The following ATP2C2 variants were observed in gnomAD, a reference collection of about 807,000 sequenced individuals.
The protein encoded by ATP2C2 is calcium-transporting ATPase type 2C member 2.
ATP2C2 carries 171 observed loss-of-function variants against 110.8 expected under a neutral mutation model. The ratio of observed to expected loss-of-function variants is 1.54; its 90% confidence interval spans 1.36 to 1.75. The LOEUF (loss-of-function observed/expected upper bound fraction) is 1.75. Among genes scored for constraint, ATP2C2 ranks in the 40% most tolerant of loss-of-function variants. The pLI is 0.00. For missense variants in ATP2C2, 1,963 were observed against 1,235.0 expected, an observed-to-expected ratio of 1.59 and a Z score of -8.84; for synonymous variants, 804 against 508.4, an observed-to-expected ratio of 1.58 and a Z score of -7.82.
chr16:84,458,803 G>C (rs1044692473), intron 21 of ATP2C2, among the ~76,000 whole-genome samples: 6 of 152,198 alleles, frequency 3.9e-5, no homozygotes, highest in Non-Finnish European at 8.8e-5. Flanking sequence ...GGCGCACTTC[G>C]GGAGTCTGGG....
At chr16:84,398,232 T>C (rs567972030) in intron 1 of ATP2C2, among the ~76,000 whole-genome samples, 1 of 152,052 alleles carries the variant, frequency 6.6e-6, no homozygotes, top group Non-Finnish European at 1.5e-5. Context: ...TGAAACCTCG[T>C]CTCTACTAAA....
intron 11 of ATP2C2, among the ~76,000 whole-genome samples, chr16:84,427,843 A>G (rs1380997383): frequency 6.6e-6 from 1 of 152,168 alleles, no homozygotes; most frequent in Non-Finnish European, 1.5e-5. Flanking sequence ...TCGGGGGTGA[A>G]GAAAATGTTC....
chr16:84,433,327 G>C (rs944547008), intron 11 of ATP2C2, among the ~76,000 whole-genome samples: 1 of 152,062 alleles, frequency 6.6e-6, no homozygotes, highest in East Asian at 1.9e-4. Flanking sequence ...AGGTTTCAGT[G>C]AGCCATGATC....
chr16:84,462,505 A>C, intron 26 of ATP2C2: 1 of 188,996 alleles, frequency 5.3e-6, no homozygotes, highest in African/African-American at 2.3e-5. Flanking sequence ...GGGGCCAGTA[A>C]TGTGACTTAG....
intron 11 of ATP2C2, among the ~76,000 whole-genome samples, chr16:84,427,093 C>T (rs1907873619): frequency 6.6e-6 from 1 of 152,192 alleles, no homozygotes; most frequent in South Asian, 2.1e-4. Context: ...CATGTCTAGG[C>T]TCATGTCAGG....
chr16:84,402,090 A>T (rs978671415), intron 2 of ATP2C2, among the ~76,000 whole-genome samples: 1 of 151,558 alleles, frequency 6.6e-6, no homozygotes, highest in Non-Finnish European at 1.5e-5. Flanking sequence ...GCTGTGGTAA[A>T]TGGGATTACT....
At chr16:84,453,624 G>A (rs948770020) in intron 20 of ATP2C2, among the ~76,000 whole-genome samples, 1 of 152,126 alleles carries the variant, frequency 6.6e-6, no homozygotes, top group African/African-American at 2.4e-5. Context: ...TGCGCTGACA[G>A]CCCCTTGGCC....
chr16:84,398,610 G>T lies in ATP2C2; in HGVS notation c.210+1G>T, dbSNP rs759377849. The T allele has an allele frequency of 6.2e-7, 1 of 1,603,168 alleles. No homozygotes were observed. Among genetic ancestry groups the T allele is most frequent in the South Asian group, 1.1e-5 (1 of 89,872 alleles). ...AGAGGATTTGGCCAGAGCGTTTTGT[G>T]TAAGAATTGAATTTGCATCTGGAGC... On this transcript the variant is annotated splice_donor_variant, in intron 2 of 26. Transcript: ENST00000262429. LOFTEE classifies it high-confidence loss of function.
At position 84,451,909 on chromosome 16, in the gene ATP2C2, C is replaced by G. The variant is rs200869801; in HGVS notation, c.1661-12C>G. 11 of 1,609,502 alleles carry G rather than the reference C, an allele frequency of 6.8e-6. No individual in the cohort carries two copies. Among genetic ancestry groups the G allele is most frequent in the East Asian group, 2.2e-5 (1 of 44,860 alleles). On this transcript the variant is annotated splice_polypyrimidine_tract_variant and intron_variant, in intron 17 of 26. Coordinates refer to ENST00000262429, the MANE Select transcript of ATP2C2 (RefSeq NM_014861.4). Reference sequence around the variant, plus strand: ...CCCCGGTGACCCCTCCTTACTCCCCCTCTCTCCTCAGTGCTGGCCCTGGCT... The same window carrying G: ...CCCCGGTGACCCCTCCTTACTCCCCGTCTCTCCTCAGTGCTGGCCCTGGCT...
In ATP2C2 at chr16:84,454,761, C is replaced by A. The variant is rs147087507; in HGVS notation, c.1981-57C>A. 9.3e-6 allele frequency: 14 copies of A among 1,506,098 alleles called. No homozygotes were observed. The South Asian group carries it at 1.7e-4, about 19-fold the overall frequency. 93.3% of individuals were successfully genotyped at this position (1,506,098 alleles called of 1,614,324 possible). On this transcript the variant is annotated intron_variant, in intron 20 of 26. Coordinates refer to ENST00000262429, the MANE Select transcript of ATP2C2 (RefSeq NM_014861.4). ...TGGCTGGCCACAGGGTGTGCATGGCCGGGCACTGGGAGGTGGTCGTCAGGC... is the reference window on the plus strand; with the variant it reads ...TGGCTGGCCACAGGGTGTGCATGGCAGGGCACTGGGAGGTGGTCGTCAGGC...
At chr16:84,375,503 T>G (rs1910198117) in intron 1 of ATP2C2, among the ~76,000 whole-genome samples, 1 of 148,474 alleles carries the variant, frequency 6.7e-6, no homozygotes, top group Non-Finnish European at 1.5e-5. Context: ...ATCATGTCCC[T>G]GCACTTCAGC....
At chr16:84,454,774 G>A (rs1910630806) in intron 20 of ATP2C2, 44 bp from the exon 21 acceptor site, 4 of 1,528,232 alleles carry the variant, frequency 2.6e-6, no homozygotes, top group Non-Finnish European at 3.5e-6. Flanking sequence ...GCACTGGGAG[G>A]TGGTCGTCAG....
rs778086433 is a variant in ATP2C2, at chr16:84,405,236, C to A, written c.319C>A (p.Leu107Met). The A allele has an allele frequency of 1.9e-6, 3 of 1,613,290 alleles. No homozygotes were observed. The Admixed American group carries it at 5.0e-5, about 27-fold the overall frequency. ...CAGCGAACCTGTGTGGAAGAAATACCTGGATCAGGTAGGACCAGAGGTGTC... is the reference window on the plus strand; with the variant it reads ...CAGCGAACCTGTGTGGAAGAAATACATGGATCAGGTAGGACCAGAGGTGTC... The part of the protein sequence containing the change: ...DNSEPVWKKY[L>M]DQFKNPLILL... Residue 107 changes from leucine to methionine, a missense_variant, in exon 3 of 27, where the codon CTG becomes ATG. Leu to Met is a conservative substitution (Grantham distance 15). Coordinates refer to ENST00000262429, the MANE Select transcript of ATP2C2 (RefSeq NM_014861.4).
intron 1 of ATP2C2, among the ~76,000 whole-genome samples, chr16:84,385,734 T>G (rs1315731193): frequency 6.6e-6 from 1 of 152,206 alleles, no homozygotes; most frequent in Non-Finnish European, 1.5e-5. Context: ...GAATGAATGC[T>G]GAGCAAAGGG....
chr16:84,461,458 G>A (rs1195480181), intron 24 of ATP2C2: 11 of 580,584 alleles, frequency 1.9e-5, no homozygotes, highest in Admixed American at 3.1e-5. Flanking sequence ...GTTACTTCCT[G>A]GAGGAAGTGG....
rs143797673 is a variant in ATP2C2, at chr16:84,383,735, C to CTGTGTGTG, written c.100-14756_100-14749dup. ...GATGCTGTATTATTTCTGAATACAT[C>CTGTGTGTG]TGTGTGTGTGTGTGTATGTGTGTGT... On this transcript the variant is annotated intron_variant, in intron 1 of 26. Transcript: ENST00000262429. Among the ~76,000 whole-genome samples, 24 of 137,668 alleles carry CTGTGTGTG rather than the reference C, an allele frequency of 1.7e-4. 1 individual carries two copies. Among genetic ancestry groups the CTGTGTGTG allele is most frequent in the African/African-American group, 4.9e-4 (19 of 38,404 alleles). The allele number at this position is 137,668 out of a possible 152,430, so 90.3% of individuals were successfully genotyped here.
chr16:84,461,707 C>T lies in ATP2C2; in HGVS notation c.2482-7C>T. 3 of 1,613,328 alleles carry T rather than the reference C, an allele frequency of 1.9e-6. No homozygotes were observed. Among genetic ancestry groups the T allele is most frequent in the Non-Finnish European group, 2.5e-6 (3 of 1,179,240 alleles). On this transcript the variant is annotated splice_polypyrimidine_tract_variant and splice_region_variant and intron_variant, in intron 24 of 26. Transcript: ENST00000262429. The stretch of plus-strand genomic sequence containing the variant: ...CCTAACCTCTCACCTTTGTGCTCAC[C>T]TTCCAGATGCCTGAAGACAGAGCAA...
intron 14 of ATP2C2, 93 bp from the exon 15 acceptor site, chr16:84,442,417 C>G: frequency 1.7e-6 from 2 of 1,208,876 alleles, no homozygotes; most frequent in Non-Finnish European, 2.4e-6. Context: ...CTTGTCCCCA[C>G]AACCCCAGCT....
chr16:84,444,056 A>C (rs939125479), intron 15 of ATP2C2, among the ~76,000 whole-genome samples: 9 of 150,260 alleles, frequency 6.0e-5, no homozygotes, highest in African/African-American at 2.2e-4. Flanking sequence ...GGTCCCAGCT[A>C]CTCAGGAGGC....
Sources: gnomAD v4.1 joint callset for allele counts (sites outside exome capture counted in the v4.1 genomes callset) on GRCh38, gnomAD v4.1.1 for gene constraint, MANE v1.5 for transcripts, NCBI Gene and HGNC (gene_info 2026-07-23, HGNC 2026-07-21) for gene names.